Variants in SULF1 observed in about 807,000 individuals in gnomAD.
SULF1 encodes the protein sulfatase 1.
Under a neutral mutation model 110.5 loss-of-function variants are expected in SULF1, and 46 were observed. The observed-to-expected ratio is 0.42, with a 90% CI of 0.33 to 0.53. SULF1 has a LOEUF of 0.53. Ranked by LOEUF, SULF1 falls within the 20% of genes least tolerant of loss-of-function variation. The probability of loss-of-function intolerance (pLI) is 0.12; values close to 1 mark genes in which losing one functional copy is unlikely to be tolerated. For synonymous variants in SULF1, 371 were observed against 387.1 expected (o/e 0.96, Z 0.49); for missense variants, 941 against 1,094.2 (o/e 0.86, Z 1.98).
At position 69,660,238 on chromosome 8, in the gene SULF1, G is replaced by A. The variant is rs189504583; in HGVS notation, c.*1703G>A. The A allele has an allele frequency of 2.6e-5, 4 of 152,152 alleles. No homozygotes were observed. The highest frequency in any genetic ancestry group is 9.6e-5 in the African/African-American group (4 of 41,502). The allele number at this position is 152,152 out of a possible 1,614,324, so 9.4% of individuals were successfully genotyped here. ...CTTAAATGTTGATAAAATATGACTA[G>A]TTTTGAATTTACACCAAGAACTTCT... is the stretch of plus-strand genomic sequence containing the variant. On this transcript the variant is annotated 3_prime_UTR_variant, in exon 23 of 23. Transcript: ENST00000402687.
At chr8:69,622,060 G>A (rs868678119) in intron 14 of SULF1, among the ~76,000 whole-genome samples, 1 of 152,214 alleles carries the variant, frequency 6.6e-6, no homozygotes, top group African/African-American at 2.4e-5. Context: ...CATTTTTATT[G>A]TAGACTCCAC....
At chr8:69,481,131 T>A (rs920710954) in intron 1 of SULF1, among the ~76,000 whole-genome samples, 1 of 152,184 alleles carries the variant, frequency 6.6e-6, no homozygotes, top group Non-Finnish European at 1.5e-5. Flanking sequence ...AAAGCCATTA[T>A]GATTTCCAGA....
chr8:69,644,304 C>T (rs1490962071), intron 22 of SULF1, among the ~76,000 whole-genome samples: 1 of 152,218 alleles, frequency 6.6e-6, no homozygotes. Context: ...ATGCTTAGAA[C>T]AGACCCTAGC....
intron 13 of SULF1, among the ~76,000 whole-genome samples, chr8:69,617,622 A>G (rs1310621051): frequency 6.6e-6 from 1 of 151,626 alleles, no homozygotes; most frequent in East Asian, 2.0e-4. Flanking sequence ...TTGGATAGCC[A>G]TGAATGCTAT....
intron 3 of SULF1, among the ~76,000 whole-genome samples, chr8:69,541,710 T>C (rs1012797248): frequency 6.6e-6 from 1 of 152,234 alleles, no homozygotes; most frequent in East Asian, 1.9e-4. Flanking sequence ...AGAATGTCTT[T>C]GTTTTCAAAT....
At chr8:69,484,014 T>C (rs1809604931) in intron 1 of SULF1, among the ~76,000 whole-genome samples, 3 of 152,122 alleles carry the variant, frequency 2.0e-5, no homozygotes, top group Admixed American at 1.3e-4. Flanking sequence ...AGCAAGGAAA[T>C]AGGCTCTGAG....
chr8:69,489,014 G>A (rs1043297339), upstream of SULF1, among the ~76,000 whole-genome samples: 3 of 152,284 alleles, frequency 2.0e-5, no homozygotes, highest in African/African-American at 7.2e-5. Flanking sequence ...AGAGGAATGA[G>A]CCAGGTGGGC....
intron 13 of SULF1, among the ~76,000 whole-genome samples, chr8:69,607,431 C>T (rs1413815747): frequency 6.6e-6 from 1 of 152,216 alleles, no homozygotes; most frequent in African/African-American, 2.4e-5. Context: ...GTGGCGTGAT[C>T]ATGGCCCACT....
At chr8:69,649,825 C>A (rs1354068029) in intron 22 of SULF1, among the ~76,000 whole-genome samples, 1 of 151,762 alleles carries the variant, frequency 6.6e-6, no homozygotes, top group East Asian at 1.9e-4. Flanking sequence ...CTAGGTGAAG[C>A]CACTATAATT....
chr8:69,537,661 C>T (rs763917666), intron 3 of SULF1, among the ~76,000 whole-genome samples: 1 of 152,188 alleles, frequency 6.6e-6, no homozygotes, highest in Admixed American at 6.5e-5. Flanking sequence ...AAGGGGGAAA[C>T]AGCCTGCAGA....
At chr8:69,543,832 A>G (rs1356974774) in intron 3 of SULF1, among the ~76,000 whole-genome samples, 9 of 152,186 alleles carry the variant, frequency 5.9e-5, no homozygotes, top group Admixed American at 2.6e-4. Context: ...CAAGATGTGA[A>G]CTACAGGTGT....
chr8:69,467,989 T>A (rs377347099), intron 1 of SULF1, among the ~76,000 whole-genome samples: 8 of 79,692 alleles, frequency 1.0e-4, no homozygotes, highest in African/African-American at 3.4e-4. Context: ...TTTATAGTAT[T>A]AAAAAAAAGG....
At chr8:69,628,335 G>C (rs1306942019) in intron 18 of SULF1, 99 bp downstream of exon 18, 10 of 998,726 alleles carry the variant, frequency 1.0e-5, no homozygotes, top group Non-Finnish European at 1.6e-5. Context: ...CTGCAGTGCC[G>C]CTTCAGAAGA....
chr8:69,624,245 C>T lies in SULF1; in HGVS notation c.1850+48C>T, dbSNP rs760201815. The T allele has an allele frequency of 3.3e-6, 5 of 1,523,430 alleles. No homozygotes were observed. The African/African-American group carries it at 5.6e-5, about 17-fold the overall frequency. 94.4% of individuals were successfully genotyped at this position (1,523,430 alleles called of 1,614,324 possible). On this transcript the variant is annotated intron_variant, in intron 15 of 22. Coordinates refer to ENST00000402687, the MANE Select transcript of SULF1 (RefSeq NM_001128205.2). The stretch of plus-strand genomic sequence containing the variant: ...CTAGGGTTGAGTTCAGAATTACCAC[C>T]ACAACACACCATATTATCACCATTT...
intron 3 of SULF1, among the ~76,000 whole-genome samples, chr8:69,504,981 T>C (rs946280899): frequency 6.6e-6 from 1 of 152,212 alleles, no homozygotes; most frequent in Non-Finnish European, 1.5e-5. Context: ...GCTCATATCA[T>C]TTGGGTATAA....
chr8:69,555,183 G>T (rs1177041953), intron 3 of SULF1, among the ~76,000 whole-genome samples: 1 of 151,924 alleles, frequency 6.6e-6, no homozygotes, highest in African/African-American at 2.4e-5. Flanking sequence ...AACTAGAATT[G>T]TCTTTTGAAA....
At chr8:69,538,905 C>G (rs1813657888) in intron 3 of SULF1, among the ~76,000 whole-genome samples, 1 of 152,168 alleles carries the variant, frequency 6.6e-6, no homozygotes, top group Non-Finnish European at 1.5e-5. Context: ...GTTGGCCAAG[C>G]TGGTCTCGAA....
chr8:69,609,192 A>G (rs1563582277), intron 13 of SULF1, among the ~76,000 whole-genome samples: 1 of 151,806 alleles, frequency 6.6e-6, no homozygotes, highest in Non-Finnish European at 1.5e-5. Context: ...CCACGCACAA[A>G]CAAAATAGCC....
At chr8:69,469,436 G>C (rs147726364) in intron 1 of SULF1, 1 of 152,334 alleles carries the variant, frequency 6.6e-6, no homozygotes, top group African/African-American at 2.4e-5. Flanking sequence ...CTGAAAGCTT[G>C]ATTTGTGAAA....
Sources: allele counts gnomAD v4.1 joint callset (sites outside exome capture counted in the v4.1 genomes callset), GRCh38; gene constraint gnomAD v4.1.1; transcripts MANE v1.5; gene names NCBI Gene and HGNC (gene_info 2026-07-23, HGNC 2026-07-21).